Variants in NAALADL2 observed in about 807,000 individuals in gnomAD.
NAALADL2 encodes inactive N-acetylated-alpha-linked acidic dipeptidase-like protein 2.
NAALADL2 carries 76 observed loss-of-function variants against 87.2 expected under a neutral mutation model. That is an observed-to-expected ratio of 0.87 (90% CI 0.72 to 1.05). The LOEUF (loss-of-function observed/expected upper bound fraction) is 1.05. Ranked by LOEUF, NAALADL2 falls within the 50% of genes least tolerant of loss-of-function variation. The probability of loss-of-function intolerance (pLI) is 0.00; values close to 1 mark genes in which losing one functional copy is unlikely to be tolerated. For synonymous variants in NAALADL2, 354 were observed against 331.0 expected (o/e 1.07, Z -0.75); for missense variants, 1,089 against 945.8 (o/e 1.15, Z -1.99).
At chr3:175,085,652 C>T (rs1056432197) in intron 1 of NAALADL2, among the ~76,000 whole-genome samples, 3 of 151,998 alleles carry the variant, frequency 2.0e-5, no homozygotes, top group African/African-American at 4.8e-5. Context: ...TTGCCAGTCG[C>T]GGTGGCTCAC....
Position 175,146,793 on chromosome 3 carries a change from C to T in NAALADL2, c.545+49502C>T, listed in dbSNP as rs543107324. Among the ~76,000 whole-genome samples, 41 of 151,864 alleles carry T rather than the reference C, an allele frequency of 2.7e-4. 1 individual carries two copies. In the East Asian group the frequency reaches 7.0e-3, roughly 26 times the overall value. On this transcript the variant is annotated intron_variant, in intron 2 of 13. Transcript: ENST00000454872. Reference sequence around the variant, plus strand: ...TCCATGTGTGAAATTGTTGGCTTAACTTTTCTCTTTTTGAAAAAGGGAAGG... The same window carrying T: ...TCCATGTGTGAAATTGTTGGCTTAATTTTTCTCTTTTTGAAAAAGGGAAGG...
chr3:175,661,081 C>T (rs1362453147), intron 11 of NAALADL2, among the ~76,000 whole-genome samples: 1 of 152,156 alleles, frequency 6.6e-6, no homozygotes, highest in South Asian at 2.1e-4. Context: ...ATACTCTATT[C>T]CATAATGACT....
At chr3:175,242,696 A>G (rs1186309582) in intron 3 of NAALADL2, among the ~76,000 whole-genome samples, 3 of 152,216 alleles carry the variant, frequency 2.0e-5, no homozygotes, top group Non-Finnish European at 4.4e-5. Flanking sequence ...CACTAATATA[A>G]CAAGAAACAT....
intron 3 of NAALADL2, among the ~76,000 whole-genome samples, chr3:174,843,523 C>T (rs1414525157): frequency 6.6e-6 from 1 of 152,114 alleles, no homozygotes; most frequent in Non-Finnish European, 1.5e-5. Flanking sequence ...ATCTTTTCAA[C>T]ATACTAATTT....
intron 11 of NAALADL2, among the ~76,000 whole-genome samples, chr3:175,651,433 A>G (rs1313584465): frequency 1.3e-5 from 2 of 152,192 alleles, no homozygotes; most frequent in Non-Finnish European, 1.5e-5. Flanking sequence ...AGCTTTGGTG[A>G]GAAGTGACTG....
At chr3:175,474,852 T>A (rs1223572053) in intron 9 of NAALADL2, among the ~76,000 whole-genome samples, 1 of 152,086 alleles carries the variant, frequency 6.6e-6, no homozygotes, top group African/African-American at 2.4e-5. Flanking sequence ...GCTAAATTGG[T>A]GTCCACTTTG....
At chr3:175,314,706 A>G (rs1377772984) in intron 4 of NAALADL2, among the ~76,000 whole-genome samples, 1 of 107,024 alleles carries the variant, frequency 9.3e-6, no homozygotes, top group South Asian at 3.0e-4. Context: ...ATATATATAT[A>G]TATATATATA....
chr3:175,667,241 AAAAGAAAG>A (rs1553945220), intron 11 of NAALADL2, among the ~76,000 whole-genome samples: 2 of 91,716 alleles, frequency 2.2e-5, no homozygotes, highest in East Asian at 2.9e-4. Flanking sequence ...GAAAGAAAGA[AAAAGAAAG>A]AAAGAAAGAA....
At chr3:174,716,857 T>G (rs1210761962) in intron 2 of NAALADL2, among the ~76,000 whole-genome samples, 2 of 152,162 alleles carry the variant, frequency 1.3e-5, no homozygotes, top group Non-Finnish European at 2.9e-5. Context: ...AATATGTTAT[T>G]GAAAGCCTAG....
intron 2 of NAALADL2, among the ~76,000 whole-genome samples, chr3:175,099,005 A>C (rs1378826426): frequency 6.6e-6 from 1 of 152,016 alleles, no homozygotes; most frequent in African/African-American, 2.4e-5. Context: ...TTTATAGTCA[A>C]ATTTGTATTT....
At chr3:174,447,181 A>G (rs985859924) in intron 1 of NAALADL2, among the ~76,000 whole-genome samples, 4 of 152,132 alleles carry the variant, frequency 2.6e-5, no homozygotes, top group East Asian at 3.9e-4. Context: ...CTTTTGTAAT[A>G]TGTCATAGTT....
intron 1 of NAALADL2, among the ~76,000 whole-genome samples, chr3:175,026,482 TAAAAAAA>T (rs59236659): frequency 2.7e-4 from 23 of 85,486 alleles, no homozygotes; most frequent in Non-Finnish European, 4.4e-4. Flanking sequence ...CCGTCTCTAC[TAAAAAAA>T]AAAAAAAAAA....
intron 5 of NAALADL2, among the ~76,000 whole-genome samples, chr3:175,342,894 T>C (rs966613623): frequency 1.4e-4 from 22 of 152,212 alleles, no homozygotes; most frequent in Non-Finnish European, 3.1e-4. Context: ...TTTGGAAAAG[T>C]CTAATACAAT....
intron 1 of NAALADL2, among the ~76,000 whole-genome samples, chr3:175,084,200 C>A (rs11915175): frequency 6.6e-6 from 1 of 151,860 alleles, no homozygotes; most frequent in Non-Finnish European, 1.5e-5. Context: ...TAAAAAGCTA[C>A]CCCCCAAATT....
At chr3:175,167,339 T>G (rs1186355587) in intron 2 of NAALADL2, among the ~76,000 whole-genome samples, 1 of 152,116 alleles carries the variant, frequency 6.6e-6, no homozygotes, top group Non-Finnish European at 1.5e-5. Flanking sequence ...ATGTCACTCC[T>G]CTGCTTAACA....
At chr3:175,266,932 T>G (rs2109963790) in intron 4 of NAALADL2, among the ~76,000 whole-genome samples, 1 of 152,032 alleles carries the variant, frequency 6.6e-6, no homozygotes, top group South Asian at 2.1e-4. Flanking sequence ...AGGACAATTT[T>G]GATACTTTGC....
intron 1 of NAALADL2, among the ~76,000 whole-genome samples, chr3:175,002,682 G>A (rs1158114388): frequency 6.6e-6 from 1 of 152,200 alleles, no homozygotes; most frequent in African/African-American, 2.4e-5. Flanking sequence ...TGATCATGAA[G>A]CAGCAGAGAA....
intron 11 of NAALADL2, among the ~76,000 whole-genome samples, chr3:175,639,318 C>CTTTTT (rs756214274): frequency 6.4e-5 from 7 of 108,718 alleles, no homozygotes; most frequent in East Asian, 5.2e-4. Context: ...AAGCGTTATT[C>CTTTTT]TTTTTTTTTT....
intron 5 of NAALADL2, among the ~76,000 whole-genome samples, chr3:175,393,232 CCACTG>C (rs1474541455): frequency 1.3e-4 from 16 of 125,448 alleles, no homozygotes; most frequent in African/African-American, 4.8e-4. Flanking sequence ...CGAGATTGCA[CCACTG>C]CAGTCCGCAG....
Sources: allele counts gnomAD v4.1 joint callset (sites outside exome capture counted in the v4.1 genomes callset), GRCh38; gene constraint gnomAD v4.1.1; transcripts MANE v1.5; gene names NCBI Gene and HGNC (gene_info 2026-07-23, HGNC 2026-07-21).